The following RBMS3 variants were observed in gnomAD, a reference collection of about 807,000 sequenced individuals.
The protein encoded by RBMS3 is RNA binding motif single stranded interacting protein 3.
A neutral mutation model predicts 66.8 loss-of-function variants in RBMS3; 27 were observed. The ratio of observed to expected loss-of-function variants is 0.40; its 90% confidence interval spans 0.30 to 0.56. The LOEUF (loss-of-function observed/expected upper bound fraction) is 0.56, where lower values mean the gene tolerates loss of function less well. Ranked by LOEUF, RBMS3 falls within the 20% of genes least tolerant of loss-of-function variation. RBMS3 has a pLI of 0.40. For missense variants in RBMS3, 513 were observed against 549.5 expected, an observed-to-expected ratio of 0.93 and a Z score of 0.66; for synonymous variants, 188 against 183.0, an observed-to-expected ratio of 1.03 and a Z score of -0.22.
At chr3:29,678,406 A>AT (rs2149256837) in intron 4 of RBMS3, among the ~76,000 whole-genome samples, 1 of 152,242 alleles carries the variant, frequency 6.6e-6, no homozygotes, top group African/African-American at 2.4e-5. Flanking sequence ...AACTGATGGT[A>AT]TTTTTCTTTG....
intron 1 of RBMS3, among the ~76,000 whole-genome samples, chr3:29,336,402 C>A (rs1256699266): frequency 6.6e-6 from 1 of 151,930 alleles, no homozygotes; most frequent in Non-Finnish European, 1.5e-5. Flanking sequence ...AAGTAAAATG[C>A]TCAATCAAGA....
intron 3 of RBMS3, among the ~76,000 whole-genome samples, chr3:29,540,243 T>C (rs1381939673): frequency 6.6e-6 from 1 of 152,222 alleles, no homozygotes; most frequent in Non-Finnish European, 1.5e-5. Flanking sequence ...GCTTCCCAAA[T>C]GGCAAACAAA....
chr3:29,768,242 G>A (rs1296436910), intron 6 of RBMS3, among the ~76,000 whole-genome samples: 1 of 151,834 alleles, frequency 6.6e-6, no homozygotes, highest in East Asian at 1.9e-4. Flanking sequence ...CAGAGCAGCT[G>A]GACAACATCA....
intron 1 of RBMS3, among the ~76,000 whole-genome samples, chr3:29,426,105 G>A (rs752370698): frequency 1.3e-5 from 2 of 152,102 alleles, no homozygotes; most frequent in African/African-American, 4.8e-5. Context: ...AGCATTTTGG[G>A]TTATTTTCAA....
chr3:29,434,058 G>T (rs1279748956), intron 1 of RBMS3, among the ~76,000 whole-genome samples: 1 of 152,106 alleles, frequency 6.6e-6, no homozygotes, highest in Non-Finnish European at 1.5e-5. Flanking sequence ...CTGTCCAGAT[G>T]GTTTATAGTG....
chr3:29,583,860 TCCTAC>T (rs141637959), intron 3 of RBMS3, among the ~76,000 whole-genome samples: 8 of 152,188 alleles, frequency 5.3e-5, no homozygotes, highest in African/African-American at 1.9e-4. Flanking sequence ...CTCAGCAGTT[TCCTAC>T]CCTAGCTTCA....
chr3:29,309,411 C>A (rs1372535668), intron 1 of RBMS3, among the ~76,000 whole-genome samples: 2 of 151,728 alleles, frequency 1.3e-5, no homozygotes, highest in Non-Finnish European at 2.9e-5. Context: ...ATAACACCAA[C>A]AACAAACCCT....
At chr3:29,344,403 T>C (rs1051544685) in intron 1 of RBMS3, among the ~76,000 whole-genome samples, 1 of 152,152 alleles carries the variant, frequency 6.6e-6, no homozygotes, top group Non-Finnish European at 1.5e-5. Context: ...CCAAAAAACG[T>C]AGTATTTCTC....
intron 9 of RBMS3, among the ~76,000 whole-genome samples, chr3:29,899,016 G>A (rs971801586): frequency 2.6e-5 from 4 of 151,544 alleles, no homozygotes; most frequent in African/African-American, 9.7e-5. Flanking sequence ...TTCTGTGTGT[G>A]TGAGTATATA....
chr3:29,841,131 ATC>A (rs2058653474), intron 6 of RBMS3, among the ~76,000 whole-genome samples: 1 of 151,596 alleles, frequency 6.6e-6, no homozygotes, highest in Non-Finnish European at 1.5e-5. Context: ...GTTCAATTAT[ATC>A]TCTTTCATCA....
chr3:29,391,112 GC>G, intron 1 of RBMS3: 1 of 222,678 alleles, frequency 4.5e-6, no homozygotes, highest in South Asian at 5.7e-5. Context: ...ATCGATAGTG[GC>G]AGAAACCCCA....
intron 2 of RBMS3, among the ~76,000 whole-genome samples, chr3:29,471,189 T>C (rs2042713881): frequency 6.6e-6 from 1 of 152,186 alleles, no homozygotes; most frequent in Admixed American, 6.5e-5. Context: ...TTATAACTAA[T>C]TTACATGTTT....
At chr3:29,540,279 C>G (rs1430629315) in intron 3 of RBMS3, among the ~76,000 whole-genome samples, 1 of 152,154 alleles carries the variant, frequency 6.6e-6, no homozygotes, top group Non-Finnish European at 1.5e-5. Context: ...AAACTGTATA[C>G]TTCCCTGATA....
At chr3:29,539,642 T>C (rs1390350493) in intron 3 of RBMS3, among the ~76,000 whole-genome samples, 4 of 152,206 alleles carry the variant, frequency 2.6e-5, no homozygotes, top group Non-Finnish European at 4.4e-5. Context: ...CTGAGACTTC[T>C]CTCTTAGTTC....
intron 1 of RBMS3, among the ~76,000 whole-genome samples, chr3:29,319,244 C>T (rs2034869105): frequency 6.6e-6 from 1 of 151,992 alleles, no homozygotes; most frequent in African/African-American, 2.4e-5. Context: ...CACACAACCA[C>T]AAAGCTCTTC....
At chr3:29,980,475 G>T (rs1481023037) in intron 12 of RBMS3, among the ~76,000 whole-genome samples, 1 of 152,176 alleles carries the variant, frequency 6.6e-6, no homozygotes, top group Non-Finnish European at 1.5e-5. Context: ...TGTTGCCATT[G>T]CTTTTGGTGT....
At chr3:29,776,525 C>A (rs1413304685) in intron 6 of RBMS3, among the ~76,000 whole-genome samples, 1 of 151,800 alleles carries the variant, frequency 6.6e-6, no homozygotes, top group East Asian at 1.9e-4. Flanking sequence ...TAAAAAAAAC[C>A]TAATTGTCCC....
intron 4 of RBMS3, among the ~76,000 whole-genome samples, chr3:29,722,872 G>A (rs1057007155): frequency 3.3e-5 from 5 of 151,914 alleles, no homozygotes; most frequent in East Asian, 3.9e-4. Context: ...ACTTGTTTGC[G>A]GTGATATTTG....
chr3:29,497,861 A>G (rs1576015496), intron 3 of RBMS3, among the ~76,000 whole-genome samples: 1 of 152,034 alleles, frequency 6.6e-6, no homozygotes, highest in Non-Finnish European at 1.5e-5. Context: ...TGTTATATCA[A>G]TGGAAAGCAC....
Sources: allele counts gnomAD v4.1 joint callset (sites outside exome capture counted in the v4.1 genomes callset), GRCh38; gene constraint gnomAD v4.1.1; transcripts MANE v1.5; gene names NCBI Gene and HGNC (gene_info 2026-07-23, HGNC 2026-07-21).